The following AKAP9 variants were observed in gnomAD, a reference collection of about 807,000 sequenced individuals.
AKAP9 encodes the protein A-kinase anchoring protein 9.
Under a neutral mutation model 488.5 loss-of-function variants are expected in AKAP9, and 311 were observed. The ratio of observed to expected loss-of-function variants is 0.64; its 90% CI spans 0.58 to 0.70. The LOEUF is 0.70. AKAP9 is among the 30% of genes least tolerant of loss of function. The pLI is 0.00. For synonymous variants in AKAP9, 1,462 were observed against 1,483.5 expected (o/e 0.99, Z 0.33); for missense variants, 4,215 against 4,374.5 (o/e 0.96, Z 1.03).
chr7:91,989,236 G>A (rs914285544), intron 3 of AKAP9, among the ~76,000 whole-genome samples: 25 of 152,204 alleles, frequency 1.6e-4, no homozygotes, highest in African/African-American at 6.0e-4. Context: ...TGGGTTTAAT[G>A]TTCTTGACTT....
At chr7:92,016,416 A>C in intron 11 of AKAP9, 149 bp downstream of exon 11, 2 of 617,310 alleles carry the variant, frequency 3.2e-6, no homozygotes, top group Non-Finnish European at 5.5e-6. Flanking sequence ...ATGAAATCTC[A>C]TATTTAATAC....
Position 92,073,804 on chromosome 7 carries a change from A to C in AKAP9, c.6612+2795A>C, listed in dbSNP as rs769843203. Among the ~76,000 whole-genome samples, 92 of 152,186 alleles carry C rather than the reference A, an allele frequency of 6.0e-4. 2 individuals are homozygous for C. The highest frequency in any genetic ancestry group is 5.9e-4 in the Non-Finnish European group (40 of 68,036). On this transcript the variant is annotated intron_variant, in intron 28 of 49. Coordinates refer to ENST00000356239, the MANE Select transcript of AKAP9 (RefSeq NM_005751.5). The stretch of plus-strand genomic sequence containing the variant: ...GAAAGTTAGTGCTTTAGACCAGTGC[A>C]TTTCAAACTTTAATGCACATGCAAA...
At chr7:91,993,946 T>C (rs953636057) in intron 5 of AKAP9, among the ~76,000 whole-genome samples, 11 of 152,016 alleles carry the variant, frequency 7.2e-5, no homozygotes, top group African/African-American at 2.2e-4. Context: ...AGGGTGAAAA[T>C]AGCAAGACCC....
chr7:92,061,188 G>C (rs1020570036), intron 22 of AKAP9, 72 bp from the exon 23 acceptor site: 1 of 1,554,678 alleles, frequency 6.4e-7, no homozygotes, highest in African/African-American at 1.4e-5. Context: ...CTTTTTTCCA[G>C]CTTTAATAGG....
At chr7:91,947,875 T>C (rs1213595691) in intron 1 of AKAP9, among the ~76,000 whole-genome samples, 1 of 152,222 alleles carries the variant, frequency 6.6e-6, no homozygotes, top group Non-Finnish European at 1.5e-5. Flanking sequence ...CACAATCTTA[T>C]GCAACTACTG....
At chr7:92,070,395 GTTGTTGTTGTTTTGTT>G (rs1430785612) in intron 27 of AKAP9, among the ~76,000 whole-genome samples, 189 bp downstream of exon 27, 1 of 142,802 alleles carries the variant, frequency 7.0e-6, no homozygotes, top group Non-Finnish European at 1.5e-5. Context: ...GTTTTTTGTT[GTTGTTGTTGTTTTGTT>G]TTGTTTTGTT....
intron 24 of AKAP9, among the ~76,000 whole-genome samples, chr7:92,064,834 G>A (rs1810510791): frequency 6.6e-6 from 1 of 152,082 alleles, no homozygotes; most frequent in Non-Finnish European, 1.5e-5. Flanking sequence ...GACTTTATGG[G>A]TTTGGAATGA....
rs201013300 is a variant in AKAP9, at chr7:92,035,915, AT to A, written c.4339-2494del. 1.1e-3 allele frequency among the ~76,000 whole-genome samples: 166 copies of A among 148,100 alleles called. 1 individual carries two copies. Among genetic ancestry groups the A allele is most frequent in the African/African-American group, 3.4e-3 (138 of 40,460 alleles). On this transcript the variant is annotated intron_variant, in intron 16 of 49. Coordinates refer to ENST00000356239, the MANE Select transcript of AKAP9 (RefSeq NM_005751.5). Reference sequence around the variant, plus strand: ...AGCATCAGTATTTCAATTTACCCACATTTTTTTTTTAAAAAGGATGTTTACG... The same window carrying A: ...AGCATCAGTATTTCAATTTACCCACATTTTTTTTTAAAAAGGATGTTTACG...
chr7:92,024,269 G>A (rs1487485062), intron 14 of AKAP9, among the ~76,000 whole-genome samples: 1 of 151,290 alleles, frequency 6.6e-6, no homozygotes, highest in African/African-American at 2.4e-5. Flanking sequence ...AAAATTAGCC[G>A]GGCATGGTGG....
At chr7:92,078,010 T>A (rs1013388418) in intron 30 of AKAP9, 135 bp downstream of exon 30, 7 of 598,956 alleles carry the variant, frequency 1.2e-5, no homozygotes, top group Admixed American at 4.1e-5. Context: ...TTATTTATTT[T>A]TTTTGAGACA....
chr7:91,948,216 A>G (rs977477943), intron 1 of AKAP9, among the ~76,000 whole-genome samples: 9 of 152,160 alleles, frequency 5.9e-5, no homozygotes, highest in African/African-American at 2.2e-4. Flanking sequence ...TCTTTTGGCT[A>G]TTGTGAATAG....
At chr7:92,077,111 T>TA (rs1812731361) in intron 29 of AKAP9, 104 bp downstream of exon 29, 1 of 457,788 alleles carries the variant, frequency 2.2e-6, no homozygotes, top group African/African-American at 2.1e-5. Context: ...TTTTTTTTTT[T>TA]TTGAGACTTA....
At chr7:91,956,638 T>C (rs573014366) in intron 1 of AKAP9, among the ~76,000 whole-genome samples, 1 of 152,304 alleles carries the variant, frequency 6.6e-6, no homozygotes, top group African/African-American at 2.4e-5. Context: ...TCTGTGTATA[T>C]AGACAGCATA....
At chr7:92,025,737 A>C (rs1803006299) in intron 14 of AKAP9, among the ~76,000 whole-genome samples, 1 of 152,198 alleles carries the variant, frequency 6.6e-6, no homozygotes. Flanking sequence ...CTAAATAGTA[A>C]TAGGGATAAT....
intron 9 of AKAP9, 122 bp from the exon 10 acceptor site, chr7:92,014,127 G>T: frequency 1.4e-6 from 1 of 732,934 alleles, no homozygotes; most frequent in Non-Finnish European, 2.4e-6. Flanking sequence ...ATAACTCAAA[G>T]AAATAAAGAA....
At chr7:92,021,220 G>C (rs1001372061) in intron 12 of AKAP9, among the ~76,000 whole-genome samples, 1 of 152,036 alleles carries the variant, frequency 6.6e-6, no homozygotes, top group African/African-American at 2.4e-5. Flanking sequence ...TATCATTGTT[G>C]TTATAGTCAA....
In AKAP9 at chr7:92,038,578, T is replaced by G; in HGVS notation, c.4498T>G (p.Phe1500Val). Residue 1500 changes from phenylalanine (F) to valine (V), a missense_variant, in exon 17 of 50, where the codon TTT becomes GTT. By Grantham distance (50) the Phe-to-Val change is conservative. Transcript: ENST00000356239. ...GAAATTATCACAGGATCAAATTGGT[T>G]TTCAGACTTTTGAGACAGTGGATGT... Reference protein sequence around the residue: ...EMKLSQDQIGFQTFETVDVKF... With the variant: ...EMKLSQDQIGVQTFETVDVKF... 6.2e-7 allele frequency: 1 copy of G among 1,613,964 alleles called. No individual in the cohort carries two copies. Among genetic ancestry groups the G allele is most frequent in the South Asian group, 1.1e-5 (1 of 91,074 alleles).
rs1248826913 is a variant in AKAP9, at chr7:92,107,257, A to C, written c.11417-36A>C. 2.5e-6 allele frequency: 4 copies of C among 1,611,172 alleles called. No individual in the cohort carries two copies. The Admixed American group carries it at 5.0e-5, about 20-fold the overall frequency. ...AAATTTTTTAAGGTCTTGGGATTTT[A>C]TTTTTCTTTACAAGGAATATTTTGG... On this transcript the variant is annotated intron_variant, in intron 47 of 49. Coordinates refer to ENST00000356239, the MANE Select transcript of AKAP9 (RefSeq NM_005751.5).
In AKAP9 at chr7:92,022,972, A is replaced by C; in HGVS notation, c.4111A>C (p.Arg1371=). 1 of 1,614,088 alleles carries C rather than the reference A, an allele frequency of 6.2e-7. No individual in the cohort carries two copies. Among genetic ancestry groups the C allele is most frequent in the Non-Finnish European group, 8.5e-7 (1 of 1,179,938 alleles). The stretch of plus-strand genomic sequence containing the variant: ...GGCAGAGATCCACTGTTTACAGAAG[A>C]GGCTTCAAGCTGTTAGTGAGTCCAC... ...YEAEIHCLQK[R]LQAVSESTVP... Residue 1371 remains arginine (R), a synonymous_variant, in exon 14 of 50, where the codon AGG becomes CGG. Coordinates refer to ENST00000356239, the MANE Select transcript of AKAP9 (RefSeq NM_005751.5).
Sources: gnomAD v4.1 joint callset for allele counts (sites outside exome capture counted in the v4.1 genomes callset) on GRCh38, gnomAD v4.1.1 for gene constraint, MANE v1.5 for transcripts, NCBI Gene and HGNC (gene_info 2026-07-23, HGNC 2026-07-21) for gene names.